The following SCML4 variants were observed in gnomAD, a reference collection of about 807,000 sequenced individuals.
SCML4 encodes the protein sex comb on midleg-like protein 4.
A neutral mutation model predicts 41.1 loss-of-function variants in SCML4; 34 were observed. The ratio of observed to expected loss-of-function variants is 0.83; its 90% confidence interval spans 0.63 to 1.10. The LOEUF is 1.10. Among genes scored for constraint, SCML4 ranks in the 50% least tolerant of loss-of-function variants. The pLI, the probability that SCML4 is intolerant of heterozygous loss-of-function variation, is 0.00. For missense variants in SCML4, 522 were observed against 534.1 expected, an observed-to-expected ratio of 0.98 and a Z score of 0.22; for synonymous variants, 214 against 220.9, an observed-to-expected ratio of 0.97 and a Z score of 0.28.
intron 5 of SCML4, among the ~76,000 whole-genome samples, chr6:107,724,534 T>A (rs962263434): frequency 6.6e-6 from 1 of 152,132 alleles, no homozygotes; most frequent in Non-Finnish European, 1.5e-5. Context: ...CCATTTATAA[T>A]AGTATGAAAA....
chr6:107,821,140 G>A (rs1183192712), intron 1 of SCML4, among the ~76,000 whole-genome samples: 3 of 152,144 alleles, frequency 2.0e-5, no homozygotes, highest in Non-Finnish European at 4.4e-5. Context: ...ATTGATAAAA[G>A]GGTAATTTTT....
chr6:107,716,628 T>C (rs935974836), intron 6 of SCML4, among the ~76,000 whole-genome samples: 50 of 152,154 alleles, frequency 3.3e-4, no homozygotes, highest in African/African-American at 1.1e-3. Context: ...GAGTAAGAAC[T>C]ATAGATGAGG....
chr6:107,780,568 G>A (rs1417954870), intron 1 of SCML4, among the ~76,000 whole-genome samples: 6 of 151,824 alleles, frequency 4.0e-5, no homozygotes, highest in Admixed American at 2.6e-4. Flanking sequence ...TTAGCCTAGC[G>A]TGGTGGCACA....
At chr6:107,838,136 G>C in the SCML4 span, among the ~76,000 whole-genome samples, 2 of 152,090 alleles carry the variant, frequency 1.3e-5, no homozygotes, top group Admixed American at 6.5e-5. Flanking sequence ...TTGAACTCTT[G>C]ACCTCAGGTG....
At chr6:107,833,760 T>A in the SCML4 span, among the ~76,000 whole-genome samples, 8 of 152,164 alleles carry the variant, frequency 5.3e-5, no homozygotes, top group East Asian at 7.7e-4. Flanking sequence ...TAGAAAAAAA[T>A]TTTTTACAAG....
At chr6:107,823,086 G>T (rs1392000966) in intron 1 of SCML4, among the ~76,000 whole-genome samples, 1 of 151,298 alleles carries the variant, frequency 6.6e-6, no homozygotes, top group Non-Finnish European at 1.5e-5. Flanking sequence ...TGGTTGAAAA[G>T]AAAGAAAAAC....
At chr6:107,760,542 T>C (rs1161903003) in intron 2 of SCML4, among the ~76,000 whole-genome samples, 1 of 152,108 alleles carries the variant, frequency 6.6e-6, no homozygotes, top group Non-Finnish European at 1.5e-5. Context: ...AGAACTTGGG[T>C]GATCAAGAAA....
At chr6:107,827,629 C>T (rs553859972), upstream of SCML4, among the ~76,000 whole-genome samples, 3 of 152,098 alleles carry the variant, frequency 2.0e-5, no homozygotes, top group Non-Finnish European at 4.4e-5. Context: ...CTTGTACATC[C>T]CTGTCCCATG....
chr6:107,829,320 C>T, the SCML4 span, among the ~76,000 whole-genome samples: 3 of 151,476 alleles, frequency 2.0e-5, no homozygotes, highest in East Asian at 1.9e-4. Context: ...GTGGGGAGGG[C>T]GAGGCTGCAG....
chr6:107,817,620 C>CAT (rs1784640487), intron 1 of SCML4, among the ~76,000 whole-genome samples: 1 of 46,002 alleles, frequency 2.2e-5, no homozygotes, highest in Non-Finnish European at 3.3e-5. Flanking sequence ...GACTTCATCT[C>CAT]AAAAAAAAAA....
At chr6:107,825,810 G>A (rs896431981), upstream of SCML4, among the ~76,000 whole-genome samples, 3 of 151,756 alleles carry the variant, frequency 2.0e-5, no homozygotes, top group Non-Finnish European at 4.4e-5. Flanking sequence ...GGTGGCGGGC[G>A]CCTGTAGTCC....
intron 6 of SCML4, among the ~76,000 whole-genome samples, chr6:107,713,765 A>C (rs552973957): frequency 6.6e-6 from 1 of 152,082 alleles, no homozygotes; most frequent in East Asian, 1.9e-4. Context: ...GGTTGGGAGG[A>C]CCGGGGCTGG....
At chr6:107,766,933 T>A (rs1303898016) in intron 2 of SCML4, among the ~76,000 whole-genome samples, 1 of 148,578 alleles carries the variant, frequency 6.7e-6, no homozygotes, top group Non-Finnish European at 1.5e-5. Context: ...ACTCTTCCCA[T>A]CTGTACTATT....
intron 2 of SCML4, among the ~76,000 whole-genome samples, chr6:107,757,467 G>A (rs888063647): frequency 3.4e-4 from 51 of 152,180 alleles, no homozygotes; most frequent in African/African-American, 1.2e-3. Flanking sequence ...GATGTATAGA[G>A]GCTGCTGGCA....
intron 6 of SCML4, among the ~76,000 whole-genome samples, chr6:107,711,915 A>G (rs1396696411): frequency 6.6e-6 from 1 of 152,144 alleles, no homozygotes; most frequent in Admixed American, 6.5e-5. Flanking sequence ...ATACAGCATC[A>G]CATTTCTGCG....
chr6:107,788,344 C>T (rs1053765005), intron 1 of SCML4, among the ~76,000 whole-genome samples: 1 of 152,108 alleles, frequency 6.6e-6, no homozygotes, highest in Admixed American at 6.5e-5. Flanking sequence ...CATAAGGATC[C>T]CATGAGAAAA....
intron 6 of SCML4, chr6:107,719,317 G>A (rs1051318411): frequency 2.6e-5 from 4 of 152,442 alleles, no homozygotes; most frequent in Non-Finnish European, 5.9e-5. Flanking sequence ...CTTGGCCAGG[G>A]GAAGCTGGTC....
chr6:107,703,298 T>C lies in SCML4; in HGVS notation c.*1902A>G, dbSNP rs1311180140. Among the ~76,000 whole-genome samples the C allele has an allele frequency of 2.0e-5, 3 of 152,300 alleles. No individual in the cohort carries two copies. The highest frequency in any genetic ancestry group is 3.9e-4 in the East Asian group (2 of 5,170). On this transcript the variant is annotated 3_prime_UTR_variant, in exon 8 of 8. Transcript: ENST00000369020. The stretch of plus-strand genomic sequence containing the variant: ...TTGCATGAGATCCAAGAGCCCTCTC[T>C]TGGGGTCTGGATCGGGACCCCCTTC...
the SCML4 span, among the ~76,000 whole-genome samples, chr6:107,835,236 CTGT>C: frequency 6.6e-6 from 1 of 152,006 alleles, no homozygotes; most frequent in South Asian, 2.1e-4. Flanking sequence ...TGGCATGTGC[CTGT>C]AGTCCCAGCT....
Sources: gnomAD v4.1 joint callset for allele counts (sites outside exome capture counted in the v4.1 genomes callset) on GRCh38, gnomAD v4.1.1 for gene constraint, MANE v1.5 for transcripts, NCBI Gene and HGNC (gene_info 2026-07-23, HGNC 2026-07-21) for gene names.